The following NMRAL1 variants were observed in gnomAD, a reference collection of about 807,000 sequenced individuals.
NMRAL1 encodes NmrA like redox sensor 1, also known as nmrA-like family domain-containing protein 1.
NMRAL1 carries 32 observed loss-of-function variants against 27.5 expected under a neutral mutation model. The ratio of observed to expected loss-of-function variants is 1.16; its 90% CI spans 0.88 to 1.56. NMRAL1 has a LOEUF of 1.56. Ranked by LOEUF, NMRAL1 falls within the 40% of genes most tolerant of loss-of-function variation. NMRAL1 has a pLI of 0.00. For synonymous variants in NMRAL1, 166 were observed against 166.8 expected (o/e 1.00, Z 0.04); for missense variants, 420 against 392.0 (o/e 1.07, Z -0.60).
chr16:4,461,922 C>T lies in NMRAL1; in HGVS notation c.758G>A (p.Gly253Asp). Residue 253 changes from glycine (G) to aspartate (D), a missense_variant, in exon 6 of 6, where the codon GGT becomes GAT. Gly to Asp is a moderately conservative substitution (Grantham distance 94). Transcript: ENST00000283429. Reference protein sequence around the residue: ...PEDYEKLGFPGARDLANMFRF... With the variant: ...PEDYEKLGFPDARDLANMFRF... ...GAACATGTTGGCCAGGTCCCGGGCA[C>T]CGGGAAAGCCAAGCTTTTCGTAGTC... 1 of 1,614,048 alleles carries T rather than the reference C, an allele frequency of 6.2e-7. No homozygotes were observed. Among genetic ancestry groups the T allele is most frequent in the Non-Finnish European group, 8.5e-7 (1 of 1,179,968 alleles).
chr16:4,461,733 C>T lies in NMRAL1; in HGVS notation c.*47G>A. 6.5e-7 allele frequency: 1 copy of T among 1,529,114 alleles called. No individual in the cohort carries two copies. The highest frequency in any genetic ancestry group is 8.8e-7 in the Non-Finnish European group (1 of 1,129,966). The allele number at this position is 1,529,114 out of a possible 1,614,324, so 94.7% of individuals were successfully genotyped here. A position where few individuals can be genotyped will look rare whatever the true frequency, so the allele number is the denominator to read the frequency against. On this transcript the variant is annotated 3_prime_UTR_variant, in exon 6 of 6. Coordinates refer to ENST00000283429, the MANE Select transcript of NMRAL1 (RefSeq NM_020677.6). ...CTTTATTCAGATGTTGGTGCCTCTG[C>T]CCCTCTGGTGCCCCCGATCCCCACA... is the stretch of plus-strand genomic sequence containing the variant.
At chr16:4,473,787 G>A (rs1315907956) in intron 2 of NMRAL1, among the ~76,000 whole-genome samples, 3 of 152,016 alleles carry the variant, frequency 2.0e-5, no homozygotes, top group Non-Finnish European at 2.9e-5. Flanking sequence ...TTAGCCGGGC[G>A]TGGTGGCATG....
intron 2 of NMRAL1, among the ~76,000 whole-genome samples, chr16:4,471,074 T>C (rs999432347): frequency 1.3e-5 from 2 of 151,798 alleles, no homozygotes; most frequent in Non-Finnish European, 1.5e-5. Flanking sequence ...GCCACTGCAC[T>C]CCAGCCTGGG....
At chr16:4,471,673 T>TA (rs1263170618) in intron 2 of NMRAL1, among the ~76,000 whole-genome samples, 1 of 150,442 alleles carries the variant, frequency 6.6e-6, no homozygotes, top group East Asian at 1.9e-4. Context: ...ACCTCATAAT[T>TA]AAAAATAATC....
chr16:4,469,018 G>A (rs762895137), intron 3 of NMRAL1, among the ~76,000 whole-genome samples: 4 of 150,496 alleles, frequency 2.7e-5, no homozygotes, highest in Admixed American at 6.6e-5. Flanking sequence ...GGTTGCTCAC[G>A]GAGACTGAGA....
rs1441165121 is a variant in NMRAL1, at chr16:4,461,704, A to G, written c.*76T>C. On this transcript the variant is annotated 3_prime_UTR_variant, in exon 6 of 6. Transcript: ENST00000283429. Reference sequence around the variant, plus strand: ...CTCCTGGAAGCCATCTGGGAGAACAATGGCTTTATTCAGATGTTGGTGCCT... The same window carrying G: ...CTCCTGGAAGCCATCTGGGAGAACAGTGGCTTTATTCAGATGTTGGTGCCT... The G allele has an allele frequency of 5.8e-6, 8 of 1,374,500 alleles. No individual in the cohort carries two copies. In the Admixed American group the frequency reaches 6.8e-5, roughly 12 times the overall value. 85.1% of individuals were successfully genotyped at this position (1,374,500 alleles called of 1,614,324 possible).
intron 3 of NMRAL1, 27 bp downstream of exon 3, chr16:4,469,200 C>A (rs1404620788): frequency 6.5e-7 from 1 of 1,545,542 alleles, no homozygotes; most frequent in Admixed American, 1.7e-5. Flanking sequence ...CTGGCCGGGC[C>A]TCCCTGCAGC....
intron 2 of NMRAL1, among the ~76,000 whole-genome samples, chr16:4,471,920 A>T (rs970564451): frequency 6.6e-6 from 1 of 151,958 alleles, no homozygotes; most frequent in Non-Finnish European, 1.5e-5. Context: ...ACAAAAAATT[A>T]AAAAATCAGC....
chr16:4,466,447 G>A (rs1032108127), intron 3 of NMRAL1, 45 bp from the exon 4 acceptor site: 5 of 1,589,528 alleles, frequency 3.1e-6, no homozygotes, highest in South Asian at 1.1e-5. Flanking sequence ...GAAGAAGGAT[G>A]TCTGTCCCTG....
Position 4,471,794 on chromosome 16 carries a change from C to T in NMRAL1, c.40+2299G>A, listed in dbSNP as rs571645719. Among the ~76,000 whole-genome samples the T allele has an allele frequency of 3.3e-5, 5 of 151,774 alleles. No homozygotes were observed. The South Asian group carries it at 6.2e-4, about 19-fold the overall frequency. On this transcript the variant is annotated intron_variant, in intron 2 of 5. Transcript: ENST00000283429. ...ATGCATCAAAAATAAGGACTGAGGC[C>T]GGGCACAGTAGCTCATAGCTGTAAT...
chr16:4,476,081 G>C (rs1338479498), upstream of NMRAL1: 1 of 152,226 alleles, frequency 6.6e-6, no homozygotes, highest in Non-Finnish European at 1.5e-5. Context: ...TGACCAAGTG[G>C]GTGGTGCCAC....
chr16:4,466,834 T>C (rs995431470), intron 3 of NMRAL1: 1 of 203,664 alleles, frequency 4.9e-6, no homozygotes, highest in Non-Finnish European at 1.0e-5. Flanking sequence ...GTACGAGCAG[T>C]GTGACCCCAG....
chr16:4,468,226 C>A (rs1299735451), intron 3 of NMRAL1, among the ~76,000 whole-genome samples: 1 of 151,942 alleles, frequency 6.6e-6, no homozygotes, highest in Non-Finnish European at 1.5e-5. Flanking sequence ...AACTTGAACC[C>A]AGGAGGCGGA....
At chr16:4,468,606 ACT>A (rs2057419779) in intron 3 of NMRAL1, among the ~76,000 whole-genome samples, 1 of 125,574 alleles carries the variant, frequency 8.0e-6, no homozygotes, top group Admixed American at 9.0e-5. Context: ...ACAGAGCAAG[ACT>A]CAGTCTCAAA....
At chr16:4,463,192 T>A (rs950933019) in intron 5 of NMRAL1, among the ~76,000 whole-genome samples, 4 of 152,166 alleles carry the variant, frequency 2.6e-5, no homozygotes, top group Admixed American at 6.5e-5. Context: ...ACTTTCCTAA[T>A]GGTAATGACA....
intron 3 of NMRAL1, chr16:4,466,664 G>C (rs565570679): frequency 2.0e-6 from 1 of 505,700 alleles, no homozygotes; most frequent in Non-Finnish European, 3.6e-6. Flanking sequence ...GTCGGCTGCA[G>C]GGGGACGGCC....
At chr16:4,471,739 G>A (rs908326613) in intron 2 of NMRAL1, among the ~76,000 whole-genome samples, 2 of 151,912 alleles carry the variant, frequency 1.3e-5, no homozygotes, top group Admixed American at 6.6e-5. Flanking sequence ...ATGGAAGGGC[G>A]GTGTACACAT....
At chr16:4,466,437 G>A (rs775077635) in intron 3 of NMRAL1, 35 bp from the exon 4 acceptor site, 7 of 1,599,448 alleles carry the variant, frequency 4.4e-6, no homozygotes, top group South Asian at 1.1e-5. Context: ...ACAAGGCTCA[G>A]AAGAAGGATG....
At chr16:4,471,619 C>CA (rs997725293) in intron 2 of NMRAL1, among the ~76,000 whole-genome samples, 861 of 57,916 alleles carry the variant, frequency 0.015, 8 homozygotes, top group East Asian at 0.031. Flanking sequence ...GCCCTGTCTC[C>CA]AAAAAAAAAA....
Sources: allele counts gnomAD v4.1 joint callset (sites outside exome capture counted in the v4.1 genomes callset), GRCh38; gene constraint gnomAD v4.1.1; transcripts MANE v1.5; gene names NCBI Gene and HGNC (gene_info 2026-07-23, HGNC 2026-07-21).